The following FAM13A variants were observed in gnomAD, a reference collection of about 807,000 sequenced individuals.
FAM13A encodes family with sequence similarity 13 member A.
A neutral mutation model predicts 129.6 loss-of-function variants in FAM13A; 76 were observed. The observed-to-expected ratio is 0.59, with a 90% CI of 0.49 to 0.71. The LOEUF (loss-of-function observed/expected upper bound fraction) is 0.71. FAM13A is among the 30% of genes least tolerant of loss of function. The pLI, the probability that FAM13A is intolerant of heterozygous loss-of-function variation, is 0.00. For synonymous variants in FAM13A, 443 were observed against 449.9 expected (o/e 0.98, Z 0.20); for missense variants, 1,108 against 1,249.3 (o/e 0.89, Z 1.70).
intron 2 of FAM13A, among the ~76,000 whole-genome samples, chr4:89,028,073 G>A (rs1336897858): frequency 6.6e-6 from 1 of 151,304 alleles, no homozygotes; most frequent in Non-Finnish European, 1.5e-5. Flanking sequence ...AAATAGCTGG[G>A]TGTTCATCTG....
intron 4 of FAM13A, among the ~76,000 whole-genome samples, chr4:88,945,988 G>GTA (rs1553901158): frequency 0.01 from 138 of 13,634 alleles, 3 homozygotes; most frequent in African/African-American, 0.031. Flanking sequence ...GTGTGTGTGT[G>GTA]TGTATATATA....
chr4:88,933,303 C>G (rs1393039294), intron 5 of FAM13A, among the ~76,000 whole-genome samples: 1 of 152,064 alleles, frequency 6.6e-6, no homozygotes, highest in Non-Finnish European at 1.5e-5. Context: ...CATATATATT[C>G]ATAACTCTTA....
chr4:88,894,423 A>C (rs1288546810), intron 6 of FAM13A, among the ~76,000 whole-genome samples: 1 of 152,230 alleles, frequency 6.6e-6, no homozygotes, highest in Non-Finnish European at 1.5e-5. Context: ...TTTTTATATA[A>C]TGTTTTAAAA....
intron 4 of FAM13A, among the ~76,000 whole-genome samples, chr4:88,964,733 T>C (rs907897559): frequency 7.3e-5 from 11 of 151,720 alleles, no homozygotes; most frequent in African/African-American, 2.7e-4. Flanking sequence ...GTTGAAGTGA[T>C]TCTCCTGTCT....
intron 2 of FAM13A, among the ~76,000 whole-genome samples, chr4:89,024,309 A>G (rs552269087): frequency 6.6e-6 from 1 of 152,316 alleles, no homozygotes; most frequent in Non-Finnish European, 1.5e-5. Context: ...CATAACCTAT[A>G]GTATCTTCAT....
intron 22 of FAM13A, chr4:88,731,783 C>A: frequency 1.9e-6 from 1 of 529,220 alleles, no homozygotes; most frequent in Non-Finnish European, 3.3e-6. Context: ...AGAGAGAGAA[C>A]TTCTGGTTGT....
intron 6 of FAM13A, among the ~76,000 whole-genome samples, chr4:88,865,525 G>GTAAC (rs1209298036): frequency 6.6e-6 from 1 of 152,214 alleles, no homozygotes; most frequent in African/African-American, 2.4e-5. Context: ...TTAGTGCCTA[G>GTAAC]TAACGGTAAC....
At chr4:88,733,905 GAACTT>G (rs1483047490) in intron 21 of FAM13A, among the ~76,000 whole-genome samples, 1 of 152,222 alleles carries the variant, frequency 6.6e-6, no homozygotes, top group East Asian at 1.9e-4. Flanking sequence ...AGTCCTGAGA[GAACTT>G]AAAAGTGTGG....
chr4:88,940,737 C>T (rs945419150), intron 4 of FAM13A, among the ~76,000 whole-genome samples: 1 of 152,096 alleles, frequency 6.6e-6, no homozygotes, highest in Non-Finnish European at 1.5e-5. Context: ...CCTCACAGAT[C>T]CTGTCGATCA....
chr4:88,742,108 G>C (rs1740396365), intron 19 of FAM13A, among the ~76,000 whole-genome samples: 1 of 152,134 alleles, frequency 6.6e-6, no homozygotes, highest in South Asian at 2.1e-4. Flanking sequence ...ACTAAAAGTA[G>C]AAATAGGAAC....
intron 5 of FAM13A, among the ~76,000 whole-genome samples, chr4:88,926,046 G>C (rs1363394160): frequency 6.6e-6 from 1 of 152,154 alleles, no homozygotes; most frequent in African/African-American, 2.4e-5. Context: ...GGTGATAAGA[G>C]AGGGAGGAAG....
intron 11 of FAM13A, among the ~76,000 whole-genome samples, chr4:88,771,151 A>AT (rs10674716): frequency 0.13 from 18,997 of 143,466 alleles, 1,992 homozygotes; most frequent in East Asian, 0.34. Flanking sequence ...CCCGGAAAGC[A>AT]TTTTTTTTTT....
chr4:88,926,829 C>A (rs1160036664), intron 5 of FAM13A, among the ~76,000 whole-genome samples: 1 of 152,032 alleles, frequency 6.6e-6, no homozygotes, highest in East Asian at 1.9e-4. Flanking sequence ...CCAAAAGTTG[C>A]CCATTTGAGT....
Position 89,039,118 on chromosome 4 carries a change from G to A in FAM13A, c.28-9469C>T, listed in dbSNP as rs568653703. Among the ~76,000 whole-genome samples the A allele has an allele frequency of 2.2e-4, 33 of 152,100 alleles. No individual in the cohort carries two copies. In the South Asian group the frequency reaches 3.5e-3, roughly 16 times the overall value. ...CACTAGCTTGTAAACCTAACTTCTA[G>A]TTTACAGTAAATACAAAAGCTAGAA... is the stretch of plus-strand genomic sequence containing the variant. On this transcript the variant is annotated intron_variant, in intron 1 of 23. Coordinates refer to ENST00000264344, the MANE Select transcript of FAM13A (RefSeq NM_014883.4).
chr4:88,814,122 G>T (rs978468796), intron 7 of FAM13A, among the ~76,000 whole-genome samples: 1 of 152,168 alleles, frequency 6.6e-6, no homozygotes, highest in East Asian at 1.9e-4. Flanking sequence ...ACATCATGGA[G>T]GAAGGAATTA....
rs1226269049 is a variant in FAM13A, at chr4:88,893,825, T to TGAA, written c.843+12553_843+12554insTTC. ...CAGGCTGATGGAGCGAGACTCCGTC[T>TGAA]CAAAAAAAAAAAAAAAAAGAAACAG... On this transcript the variant is annotated intron_variant, in intron 6 of 23. Transcript: ENST00000264344. 1.0e-3 allele frequency among the ~76,000 whole-genome samples: 35 copies of TGAA among 35,152 alleles called. 1 individual carries two copies. The highest frequency in any genetic ancestry group is 2.1e-4 in the Non-Finnish European group (3 of 14,200). The allele number at this position is 35,152 out of a possible 152,430, so 23.1% of individuals were successfully genotyped here.
chr4:88,779,340 G>T (rs1355942705), intron 11 of FAM13A, among the ~76,000 whole-genome samples: 1 of 152,226 alleles, frequency 6.6e-6, no homozygotes, highest in East Asian at 1.9e-4. Context: ...AGAATTAGAA[G>T]GTTAAAAATA....
intron 7 of FAM13A, among the ~76,000 whole-genome samples, chr4:88,850,264 G>A (rs754750598): frequency 6.6e-6 from 1 of 152,052 alleles, no homozygotes; most frequent in Non-Finnish European, 1.5e-5. Context: ...CCTATTTTAA[G>A]AAAATTGTGG....
At chr4:89,039,537 A>G (rs1223043381) in intron 1 of FAM13A, among the ~76,000 whole-genome samples, 1 of 152,204 alleles carries the variant, frequency 6.6e-6, no homozygotes, top group Non-Finnish European at 1.5e-5. Context: ...TTATGTGGGA[A>G]CTTTGTACTT....
Sources: allele counts gnomAD v4.1 joint callset (sites outside exome capture counted in the v4.1 genomes callset), GRCh38; gene constraint gnomAD v4.1.1; transcripts MANE v1.5; gene names NCBI Gene and HGNC (gene_info 2026-07-23, HGNC 2026-07-21).